C2CD3: variants seen among roughly 807,000 people sequenced by gnomAD.
C2CD3 encodes the protein C2 domain-containing protein 3.
A neutral mutation model predicts 234.0 loss-of-function variants in C2CD3; 148 were observed. The observed-to-expected ratio is 0.63, with a 90% CI of 0.55 to 0.72. The LOEUF is 0.72. Ranked by LOEUF, C2CD3 falls within the 30% of genes least tolerant of loss-of-function variation. The pLI, the probability that C2CD3 is intolerant of heterozygous loss-of-function variation, is 0.00. For missense variants in C2CD3, 2,577 were observed against 2,811.5 expected, an observed-to-expected ratio of 0.92 and a Z score of 1.89; for synonymous variants, 1,000 against 1,035.4, an observed-to-expected ratio of 0.97 and a Z score of 0.66.
chr11:74,093,209 G>A (rs1396666173), intron 18 of C2CD3, among the ~76,000 whole-genome samples: 3 of 151,258 alleles, frequency 2.0e-5, no homozygotes, highest in Non-Finnish European at 2.9e-5. Context: ...TTGGTTTGTC[G>A]GTGGTGCAGA....
At position 74,019,521 on chromosome 11, in the gene C2CD3, C is replaced by T. The variant is rs558618342; in HGVS notation, c.6922-5996G>A. On this transcript the variant is annotated intron_variant, in intron 32 of 32. Coordinates refer to ENST00000334126, the MANE Select transcript of C2CD3 (RefSeq NM_001286577.2). ...CTTGCCCCAAGAGGGGCAGCTCAGC[C>T]GTCAGGCCTGGACCACAGGCTGAGA... Among the ~76,000 whole-genome samples, 6 of 152,262 alleles carry T rather than the reference C, an allele frequency of 3.9e-5. No individual in the cohort carries two copies. The South Asian group carries it at 8.3e-4, about 21-fold the overall frequency.
At chr11:74,038,135 T>C (rs774943811) in intron 29 of C2CD3, among the ~76,000 whole-genome samples, 1 of 152,208 alleles carries the variant, frequency 6.6e-6, no homozygotes, top group Non-Finnish European at 1.5e-5. Flanking sequence ...GCTCCTCTTC[T>C]GTGCTCCATA....
intron 25 of C2CD3, among the ~76,000 whole-genome samples, chr11:74,056,424 T>G (rs1037481606): frequency 6.6e-6 from 1 of 152,208 alleles, no homozygotes; most frequent in Admixed American, 6.5e-5. Context: ...CTGACAGAAC[T>G]TTACCTCCTA....
intron 24 of C2CD3, among the ~76,000 whole-genome samples, chr11:74,064,118 A>C (rs938397065): frequency 1.3e-5 from 2 of 151,414 alleles, no homozygotes; most frequent in Non-Finnish European, 2.9e-5. Flanking sequence ...TCATTGTTCA[A>C]TTCCCACCTA....
At chr11:74,100,474 A>G (rs776784273) in intron 15 of C2CD3, 51 bp downstream of exon 15, 1 of 1,497,832 alleles carries the variant, frequency 6.7e-7, no homozygotes, top group South Asian at 1.3e-5. Flanking sequence ...TTTTCAGTCC[A>G]TGCAAAGTTA....
chr11:74,105,168 A>C (rs953183999), intron 13 of C2CD3, among the ~76,000 whole-genome samples: 1 of 152,186 alleles, frequency 6.6e-6, no homozygotes, highest in African/African-American at 2.4e-5. Flanking sequence ...GAGAAGCTGT[A>C]AGAGAGAAGG....
At position 74,095,335 on chromosome 11, in the gene C2CD3, G is replaced by T. The variant is rs772946414; in HGVS notation, c.3053C>A (p.Pro1018His). ...IHIEMVKGLA[P>H]LQATVWGEAD... is the part of the protein sequence containing the mutation. ...TTCTCCCCAGACTGTTGCCTGAAGA[G>T]GGGCTAGCCCTTTAACCATCTCTAT... The change falls in exon 17 of 33, where the codon CCT becomes CAT. Residue 1018 changes from proline to histidine, a missense_variant. Physicochemically the swap from Pro to His is moderately conservative, Grantham distance 77 (BLOSUM62 -2). Coordinates refer to ENST00000334126, the MANE Select transcript of C2CD3 (RefSeq NM_001286577.2). The T allele has an allele frequency of 1.2e-6, 2 of 1,613,844 alleles. No homozygotes were observed.
At chr11:74,147,695 A>C (rs773959133) in intron 3 of C2CD3, among the ~76,000 whole-genome samples, 7 of 152,242 alleles carry the variant, frequency 4.6e-5, no homozygotes, top group Non-Finnish European at 1.0e-4. Context: ...CAAGGGCATT[A>C]ACAAGGAACC....
Position 74,092,484 on chromosome 11 carries a change from A to T in C2CD3, c.3449T>A (p.Ile1150Lys). 6.2e-7 allele frequency: 1 copy of T among 1,613,732 alleles called. No individual in the cohort carries two copies. The highest frequency in any genetic ancestry group is 8.5e-7 in the Non-Finnish European group (1 of 1,179,646). ...GGTTAAAGGGAGATTAAAGGTCTGT[A>T]TTCCCACATCCTCACGATGCTGGGT... ...VTTQHREDVG[I>K]QTFNLPLTPR... is the part of the protein sequence containing the mutation. Residue 1150 changes from isoleucine to lysine, a missense_variant, in exon 19 of 33, where the codon ATA becomes AAA. Transcript: ENST00000334126.
rs557956726 is a variant in C2CD3, at chr11:74,123,233, G to A, written c.1218-98C>T. ...ACTTTCTGAGGTTCTAAATGTGGAA[G>A]GAGATATGTTAAACAAAAGACTCAC... On this transcript the variant is annotated intron_variant, in intron 7 of 32. Coordinates refer to ENST00000334126, the MANE Select transcript of C2CD3 (RefSeq NM_001286577.2). The A allele has an allele frequency of 1.8e-5, 15 of 818,158 alleles. No individual in the cohort carries two copies. In the South Asian group the frequency reaches 2.7e-4, roughly 15 times the overall value. 50.7% of individuals were successfully genotyped at this position (818,158 alleles called of 1,614,324 possible). A position where few individuals can be genotyped will look rare whatever the true frequency, so the allele number is the denominator to read the frequency against.
At chr11:74,080,910 C>G (rs571372746) in intron 22 of C2CD3, among the ~76,000 whole-genome samples, 8 of 152,210 alleles carry the variant, frequency 5.3e-5, no homozygotes, top group African/African-American at 9.6e-5. Flanking sequence ...AAGTAACTTT[C>G]TTTAGATCAC....
At chr11:74,017,734 C>A (rs982747347) in intron 32 of C2CD3, among the ~76,000 whole-genome samples, 2 of 152,196 alleles carry the variant, frequency 1.3e-5, no homozygotes, top group Admixed American at 6.5e-5. Flanking sequence ...ACGGGCTTAT[C>A]CCGGCCCTTG....
At chr11:74,026,268 C>T (rs189969972) in intron 32 of C2CD3, among the ~76,000 whole-genome samples, 2 of 151,882 alleles carry the variant, frequency 1.3e-5, no homozygotes, top group Admixed American at 6.5e-5. Flanking sequence ...GATCACGCCA[C>T]TGCACTCCAG....
At chr11:74,168,789 A>T (rs1331860135) in intron 1 of C2CD3, among the ~76,000 whole-genome samples, 176 bp from the exon 2 acceptor site, 2 of 152,244 alleles carry the variant, frequency 1.3e-5, no homozygotes, top group Non-Finnish European at 2.9e-5. Context: ...GTAACTATCA[A>T]ATCAGACCAC....
intron 29 of C2CD3, among the ~76,000 whole-genome samples, chr11:74,040,461 G>A (rs1465694553): frequency 6.8e-6 from 1 of 146,650 alleles, no homozygotes; most frequent in African/African-American, 2.5e-5. Context: ...GAATAGGTTA[G>A]TTTTTTTTTT....
At chr11:74,139,348 T>C (rs1366920219) in intron 4 of C2CD3, among the ~76,000 whole-genome samples, 1 of 152,224 alleles carries the variant, frequency 6.6e-6, no homozygotes, top group African/African-American at 2.4e-5. Context: ...TGGATATCAT[T>C]TAGTCATTTA....
At chr11:74,135,484 C>A (rs773685369) in intron 5 of C2CD3, among the ~76,000 whole-genome samples, 1 of 152,098 alleles carries the variant, frequency 6.6e-6, no homozygotes, top group African/African-American at 2.4e-5. Context: ...TCTTGGTAGG[C>A]AGAATCTAAT....
At chr11:74,127,920 T>C (rs1957470326) in intron 7 of C2CD3, among the ~76,000 whole-genome samples, 2 of 151,996 alleles carry the variant, frequency 1.3e-5, no homozygotes, top group South Asian at 4.1e-4. Context: ...TGGAGTGTAG[T>C]GGCGCGATCT....
At chr11:74,152,640 C>T (rs1855739187) in intron 3 of C2CD3, among the ~76,000 whole-genome samples, 1 of 152,126 alleles carries the variant, frequency 6.6e-6, no homozygotes, top group South Asian at 2.1e-4. Flanking sequence ...CTCACTGAAA[C>T]ATTAAATCAC....
Sources: allele counts gnomAD v4.1 joint callset (sites outside exome capture counted in the v4.1 genomes callset), GRCh38; gene constraint gnomAD v4.1.1; transcripts MANE v1.5; gene names NCBI Gene and HGNC (gene_info 2026-07-23, HGNC 2026-07-21).